Variants in UBE2E2 observed in about 807,000 individuals in gnomAD.
UBE2E2 encodes the protein ubiquitin conjugating enzyme E2 E2, also known as ubiquitin-conjugating enzyme E2 E2.
Under a neutral mutation model 24.7 loss-of-function variants are expected in UBE2E2, and 6 were observed. The observed-to-expected ratio is 0.24, with a 90% confidence interval of 0.13 to 0.48. The LOEUF (loss-of-function observed/expected upper bound fraction) is 0.48, where lower values mean the gene tolerates loss of function less well. Among genes scored for constraint, UBE2E2 ranks in the 20% least tolerant of loss-of-function variants. The pLI is 0.99. For missense variants in UBE2E2, 169 were observed against 245.0 expected, an observed-to-expected ratio of 0.69 and a Z score of 2.07; for synonymous variants, 104 against 83.6, an observed-to-expected ratio of 1.24 and a Z score of -1.33.
intron 3 of UBE2E2, among the ~76,000 whole-genome samples, chr3:23,461,195 C>T (rs897441900): frequency 2.0e-5 from 3 of 152,058 alleles, no homozygotes; most frequent in East Asian, 1.9e-4. Flanking sequence ...GAGAAAGTCT[C>T]GGTGACCTCA....
chr3:23,574,446 A>G (rs1257859845), intron 5 of UBE2E2, among the ~76,000 whole-genome samples: 1 of 152,168 alleles, frequency 6.6e-6, no homozygotes, highest in Non-Finnish European at 1.5e-5. Context: ...CCATGATGTG[A>G]TTGTTATACA....
At chr3:23,451,400 T>C (rs944238602) in intron 3 of UBE2E2, among the ~76,000 whole-genome samples, 3 of 152,142 alleles carry the variant, frequency 2.0e-5, no homozygotes, top group Non-Finnish European at 2.9e-5. Flanking sequence ...GCAATACTTA[T>C]AATTTTACAG....
chr3:23,556,454 TAA>T lies in UBE2E2; in HGVS notation c.508+23770_508+23771del, dbSNP rs5847239. On this transcript the variant is annotated intron_variant, in intron 5 of 5. Transcript: ENST00000396703. ...CCATGCCCAGCCAATAAAATTTATT[TAA>T]AAAAAAAAAAAAAAAAGCTATACTG... Among the ~76,000 whole-genome samples, 339 of 94,340 alleles carry T rather than the reference TAA, an allele frequency of 3.6e-3. 14 individuals are homozygous for T. The highest frequency in any genetic ancestry group is 0.014 in the African/African-American group (300 of 22,218). The allele number at this position is 94,340 out of a possible 152,430, so 61.9% of individuals were successfully genotyped here.
At chr3:23,357,412 A>T (rs375309519) in intron 3 of UBE2E2, among the ~76,000 whole-genome samples, 12 of 151,982 alleles carry the variant, frequency 7.9e-5, no homozygotes, top group East Asian at 7.7e-4. Context: ...TGTGTGTGTG[A>T]GTGTGTATAT....
intron 5 of UBE2E2, among the ~76,000 whole-genome samples, chr3:23,538,472 A>G (rs1321626700): frequency 1.3e-5 from 2 of 152,272 alleles, no homozygotes; most frequent in East Asian, 3.9e-4. Flanking sequence ...GCTATTAATC[A>G]ATCTACCTGG....
intron 4 of UBE2E2, among the ~76,000 whole-genome samples, chr3:23,502,419 G>A (rs114292335): frequency 8.9e-4 from 136 of 152,164 alleles, no homozygotes; most frequent in African/African-American, 2.9e-3. Flanking sequence ...AAATTAGTCC[G>A]TAGCATGATT....
At chr3:23,219,521 T>C (rs1696567682) in intron 3 of UBE2E2, among the ~76,000 whole-genome samples, 2 of 152,186 alleles carry the variant, frequency 1.3e-5, no homozygotes, top group Non-Finnish European at 2.9e-5. Flanking sequence ...TTAACAGTGC[T>C]TTTGTGGTTG....
At chr3:23,456,428 C>T (rs530823018) in intron 3 of UBE2E2, among the ~76,000 whole-genome samples, 1 of 152,282 alleles carries the variant, frequency 6.6e-6, no homozygotes, top group East Asian at 1.9e-4. Context: ...GGAATCACTG[C>T]GAATGGGAGC....
chr3:23,506,794 C>T (rs575756530), intron 4 of UBE2E2, among the ~76,000 whole-genome samples: 2 of 152,198 alleles, frequency 1.3e-5, no homozygotes, highest in South Asian at 2.1e-4. Flanking sequence ...CCACCATGCC[C>T]GGCTAATTTT....
At chr3:23,298,630 G>A (rs570971135) in intron 3 of UBE2E2, among the ~76,000 whole-genome samples, 132 of 151,852 alleles carry the variant, frequency 8.7e-4, no homozygotes, top group Non-Finnish European at 1.5e-3. Flanking sequence ...GCATCCCAGG[G>A]ATGAAGCCCA....
chr3:23,348,082 A>G (rs1695615432), intron 3 of UBE2E2, among the ~76,000 whole-genome samples: 1 of 152,194 alleles, frequency 6.6e-6, no homozygotes, highest in Admixed American at 6.5e-5. Context: ...GACACATCTC[A>G]CCATCAATCA....
intron 5 of UBE2E2, among the ~76,000 whole-genome samples, chr3:23,553,774 A>G (rs1695707660): frequency 2.0e-5 from 3 of 152,216 alleles, no homozygotes; most frequent in Admixed American, 1.3e-4. Flanking sequence ...AGCCAAGAAA[A>G]GAAATCAAAA....
At chr3:23,484,057 T>C (rs1319593450) in intron 3 of UBE2E2, among the ~76,000 whole-genome samples, 1 of 152,148 alleles carries the variant, frequency 6.6e-6, no homozygotes, top group Non-Finnish European at 1.5e-5. Context: ...AGAGTACTTT[T>C]GCAATTCTTT....
At chr3:23,498,316 C>G (rs776855953) in intron 3 of UBE2E2, among the ~76,000 whole-genome samples, 1 of 152,122 alleles carries the variant, frequency 6.6e-6, no homozygotes, top group Non-Finnish European at 1.5e-5. Flanking sequence ...GGTAAAAATC[C>G]AGTTTCTCTG....
intron 3 of UBE2E2, among the ~76,000 whole-genome samples, chr3:23,497,080 C>T (rs75257542): frequency 1.5e-3 from 232 of 152,194 alleles, no homozygotes; most frequent in African/African-American, 5.4e-3. Context: ...CAGTATTGTA[C>T]CGTGTTTATT....
rs141548109 is a variant in UBE2E2, at chr3:23,239,340, G to A, written c.227+22028G>A. ...AAATTATGCAATTCAGTAGTTTCTA[G>A]TGTACTCACAACGTTGTGCAACTGT... is the stretch of plus-strand genomic sequence containing the variant. On this transcript the variant is annotated intron_variant, in intron 3 of 5. Coordinates refer to ENST00000396703, the MANE Select transcript of UBE2E2 (RefSeq NM_152653.4). Among the ~76,000 whole-genome samples the A allele has an allele frequency of 6.3e-3, 959 of 152,206 alleles. 14 individuals carry two copies. Among genetic ancestry groups the A allele is most frequent in the African/African-American group, 0.021 (887 of 41,512 alleles).
chr3:23,494,289 A>C (rs1362677711), intron 3 of UBE2E2, among the ~76,000 whole-genome samples: 2 of 152,242 alleles, frequency 1.3e-5, no homozygotes, highest in Non-Finnish European at 2.9e-5. Context: ...AAAGGAAAAA[A>C]ATAAGCAAAG....
rs570033530 is a variant in UBE2E2 at position 23,216,641 on chromosome 3, AAGT to A, written c.177-618_177-616del. 5.1e-3 allele frequency among the ~76,000 whole-genome samples: 775 copies of A among 152,284 alleles called. 5 individuals carry two copies. Among genetic ancestry groups the A allele is most frequent in the African/African-American group, 0.018 (740 of 41,572 alleles). On this transcript the variant is annotated intron_variant, in intron 2 of 5. Transcript: ENST00000396703. ...GGATGTTAGATGCTGTTAAAAATAA[AAGT>A]AGAATGTAACACATGAGGATAGAGC...
intron 1 of UBE2E2, chr3:23,204,686 G>A (rs1027163881): frequency 1.0e-6 from 1 of 985,082 alleles, no homozygotes; most frequent in Non-Finnish European, 1.2e-6. Flanking sequence ...TTCCCCTGCA[G>A]CACCTTTTAC....
Sources: gnomAD v4.1 joint callset for allele counts (sites outside exome capture counted in the v4.1 genomes callset) on GRCh38, gnomAD v4.1.1 for gene constraint, MANE v1.5 for transcripts, NCBI Gene and HGNC (gene_info 2026-07-23, HGNC 2026-07-21) for gene names.